Variants in STXBP5L observed in about 807,000 individuals in gnomAD.
STXBP5L encodes the protein syntaxin binding protein 5L.
Under a neutral mutation model 144.5 loss-of-function variants are expected in STXBP5L, and 65 were observed. The observed-to-expected ratio is 0.45, with a 90% CI of 0.37 to 0.55. STXBP5L has a LOEUF of 0.55. Among genes scored for constraint, STXBP5L ranks in the 20% least tolerant of loss-of-function variants. The pLI is 0.00. For missense variants in STXBP5L, 1,298 were observed against 1,405.5 expected (o/e 0.92, Z 1.22); for synonymous variants, 505 against 469.6 (o/e 1.08, Z -0.97).
intron 9 of STXBP5L, among the ~76,000 whole-genome samples, chr3:121,186,282 C>G (rs549288753): frequency 1.3e-5 from 2 of 152,192 alleles, no homozygotes; most frequent in Non-Finnish European, 2.9e-5. Flanking sequence ...AATGAATACA[C>G]TTTATTTCCT....
At chr3:121,012,087 C>G (rs561864022) in intron 3 of STXBP5L, among the ~76,000 whole-genome samples, 1 of 151,770 alleles carries the variant, frequency 6.6e-6, no homozygotes, top group Non-Finnish European at 1.5e-5. Flanking sequence ...TCTTTTGTGA[C>G]TGACTTATTT....
rs925995038 is a variant in STXBP5L at position 121,294,077 on chromosome 3, A to G, written c.2110+14121A>G. On this transcript the variant is annotated intron_variant, in intron 19 of 26. Coordinates refer to ENST00000471454, the MANE Select transcript of STXBP5L (RefSeq NM_001308330.2). ...ATTTTAATTTAAGCAGGGGAATGAT[A>G]TGCTTTGATTTATGCTATAAATATC... Among the ~76,000 whole-genome samples, 18 of 152,360 alleles carry G rather than the reference A, an allele frequency of 1.2e-4. 1 individual carries two copies. Among genetic ancestry groups the G allele is most frequent in the Admixed American group, 7.8e-4 (12 of 15,302 alleles).
At chr3:121,267,167 A>T (rs961057257) in intron 18 of STXBP5L, among the ~76,000 whole-genome samples, 3 of 152,200 alleles carry the variant, frequency 2.0e-5, no homozygotes, top group African/African-American at 7.2e-5. Flanking sequence ...ACTATACTAC[A>T]AGGCTACAGT....
intron 5 of STXBP5L, among the ~76,000 whole-genome samples, chr3:121,113,672 C>CTTTTTTTTTTTTT (rs1231857211): frequency 9.1e-4 from 111 of 122,520 alleles, no homozygotes; most frequent in Non-Finnish European, 1.1e-3. Flanking sequence ...TTTTCTTTTT[C>CTTTTTTTTTTTTT]TTTTTTTTTT....
chr3:121,197,672 A>C (rs2047974687), intron 9 of STXBP5L, among the ~76,000 whole-genome samples: 1 of 151,908 alleles, frequency 6.6e-6, no homozygotes, highest in Non-Finnish European at 1.5e-5. Flanking sequence ...ACCCCACAGC[A>C]TGCCCCAGTA....
At chr3:121,041,648 T>G (rs1688679) in intron 3 of STXBP5L, 52 bp from the exon 4 acceptor site, 308,424 of 1,326,966 alleles carry the variant, frequency 0.23, 37,733 homozygotes, top group Non-Finnish European at 0.25. Context: ...TCTTTGCTCA[T>G]TAATATTGGT....
intron 20 of STXBP5L, among the ~76,000 whole-genome samples, chr3:121,342,647 T>C (rs1576224987): frequency 6.6e-6 from 1 of 151,972 alleles, no homozygotes; most frequent in East Asian, 1.9e-4. Flanking sequence ...CTTTCCAATT[T>C]CATCCATGTC....
At chr3:121,183,634 G>T (rs1013585121) in intron 9 of STXBP5L, among the ~76,000 whole-genome samples, 8 of 150,394 alleles carry the variant, frequency 5.3e-5, no homozygotes, top group African/African-American at 2.0e-4. Flanking sequence ...AGGGAGGGAG[G>T]AAGGAAAGAA....
At chr3:121,097,320 G>A (rs553357744) in intron 5 of STXBP5L, among the ~76,000 whole-genome samples, 16 of 152,252 alleles carry the variant, frequency 1.1e-4, no homozygotes, top group African/African-American at 3.6e-4. Flanking sequence ...GGAGTGAACG[G>A]TTCTGTCTTG....
At chr3:121,259,236 T>A in intron 18 of STXBP5L, 68 bp downstream of exon 18, 1 of 1,266,480 alleles carries the variant, frequency 7.9e-7, no homozygotes, top group East Asian at 2.9e-5. Flanking sequence ...AGATGTTCCT[T>A]GCTTAAGTCC....
chr3:120,930,336 T>C (rs1366623224), intron 2 of STXBP5L, among the ~76,000 whole-genome samples: 1 of 151,886 alleles, frequency 6.6e-6, no homozygotes, highest in Non-Finnish European at 1.5e-5. Context: ...GTCCTATAAG[T>C]ACCTGTGTGT....
intron 3 of STXBP5L, among the ~76,000 whole-genome samples, chr3:120,963,388 T>G (rs1262059552): frequency 6.6e-6 from 1 of 152,244 alleles, no homozygotes; most frequent in Non-Finnish European, 1.5e-5. Flanking sequence ...TTTTTGCCCA[T>G]TCAGTATGAT....
chr3:121,121,256 C>T (rs1248520560), intron 6 of STXBP5L, among the ~76,000 whole-genome samples: 2 of 151,194 alleles, frequency 1.3e-5, no homozygotes, highest in East Asian at 1.9e-4. Flanking sequence ...CAGGTATGTA[C>T]TTTGCAATTT....
chr3:121,247,213 G>T (rs2049883726), intron 14 of STXBP5L, among the ~76,000 whole-genome samples: 1 of 152,158 alleles, frequency 6.6e-6, no homozygotes, highest in African/African-American at 2.4e-5. Context: ...TGATATATGT[G>T]TCTGTTTTTC....
intron 18 of STXBP5L, among the ~76,000 whole-genome samples, chr3:121,276,704 T>A (rs963306152): frequency 1.4e-4 from 21 of 151,954 alleles, no homozygotes; most frequent in Non-Finnish European, 2.1e-4. Flanking sequence ...TCTAATTTTT[T>A]TAATGATTTT....
intron 11 of STXBP5L, among the ~76,000 whole-genome samples, chr3:121,224,912 G>T (rs1321577651): frequency 6.6e-6 from 1 of 152,142 alleles, no homozygotes; most frequent in African/African-American, 2.4e-5. Context: ...TAGAAATTGA[G>T]AATGTGTGGT....
At chr3:121,216,124 A>G (rs2048769000) in intron 10 of STXBP5L, among the ~76,000 whole-genome samples, 1 of 152,096 alleles carries the variant, frequency 6.6e-6, no homozygotes, top group Non-Finnish European at 1.5e-5. Flanking sequence ...GCTTCCTTGC[A>G]TTGGGTTAGA....
intron 22 of STXBP5L, among the ~76,000 whole-genome samples, chr3:121,396,099 T>C (rs1398383134): frequency 2.0e-5 from 3 of 152,278 alleles, no homozygotes; most frequent in African/African-American, 7.2e-5. Context: ...AAATCAGTTG[T>C]TCTGCTTCTC....
intron 3 of STXBP5L, among the ~76,000 whole-genome samples, chr3:121,013,488 T>A (rs992904862): frequency 6.6e-6 from 1 of 152,132 alleles, no homozygotes; most frequent in African/African-American, 2.4e-5. Context: ...TGCTTGTATG[T>A]CTTCTTTGGA....
Sources: allele counts gnomAD v4.1 joint callset (sites outside exome capture counted in the v4.1 genomes callset), GRCh38; gene constraint gnomAD v4.1.1; transcripts MANE v1.5; gene names NCBI Gene and HGNC (gene_info 2026-07-23, HGNC 2026-07-21).